Variants in POFUT3 observed in about 807,000 individuals in gnomAD.
POFUT3 encodes GDP-fucose protein O-fucosyltransferase 3.
At chr8:33,353,703 T>C in the POFUT3 span, among the ~76,000 whole-genome samples, 7 of 152,248 alleles carry the variant, frequency 4.6e-5, no homozygotes, top group African/African-American at 1.7e-4. Flanking sequence ...CTGAGCCAGC[T>C]GCAGTCAGAG....
the POFUT3 span, among the ~76,000 whole-genome samples, chr8:33,401,515 T>C: frequency 6.6e-6 from 1 of 152,152 alleles, no homozygotes; most frequent in South Asian, 2.1e-4. Context: ...AAAATAAATA[T>C]TTTTATAATT....
the POFUT3 span, among the ~76,000 whole-genome samples, chr8:33,413,485 G>A: frequency 6.6e-6 from 1 of 152,164 alleles, no homozygotes; most frequent in African/African-American, 2.4e-5. Flanking sequence ...CAGACACCTT[G>A]ACTGGACTAT....
At chr8:33,321,316 G>A in the POFUT3 span, among the ~76,000 whole-genome samples, 1 of 152,220 alleles carries the variant, frequency 6.6e-6, no homozygotes, top group African/African-American at 2.4e-5. Context: ...CAGCTGAAGG[G>A]TTTGTCACAT....
chr8:33,325,920 G>A, the POFUT3 span, among the ~76,000 whole-genome samples: 3 of 152,068 alleles, frequency 2.0e-5, no homozygotes, highest in African/African-American at 4.8e-5. Context: ...CACACCCCGC[G>A]CCCACCTGTG....
the POFUT3 span, among the ~76,000 whole-genome samples, chr8:33,396,382 G>C: frequency 6.6e-6 from 1 of 152,120 alleles, no homozygotes; most frequent in African/African-American, 2.4e-5. Flanking sequence ...TTTCCTATCA[G>C]AATATGATTA....
At chr8:33,372,738 C>A in the POFUT3 span, 20 of 1,614,056 alleles carry the variant, frequency 1.2e-5, no homozygotes, top group South Asian at 1.9e-4. Flanking sequence ...GGTGAGAAAG[C>A]AAACACTGTG....
chr8:33,377,915 T>A, the POFUT3 span, among the ~76,000 whole-genome samples: 1 of 152,178 alleles, frequency 6.6e-6, no homozygotes, highest in Admixed American at 6.5e-5. Context: ...TGAGGAAAGA[T>A]GGATAATCTG....
chr8:33,437,543 G>T, the POFUT3 span, among the ~76,000 whole-genome samples: 2 of 152,166 alleles, frequency 1.3e-5, no homozygotes, highest in Admixed American at 6.5e-5. Flanking sequence ...GGGCATGGTG[G>T]CTCACACCTG....
the POFUT3 span, among the ~76,000 whole-genome samples, chr8:33,424,701 C>A: frequency 6.6e-6 from 1 of 152,100 alleles, no homozygotes; most frequent in East Asian, 1.9e-4. Flanking sequence ...TTCGACATTC[C>A]ACCCTCTCCT....
chr8:33,459,349 G>C, the POFUT3 span, among the ~76,000 whole-genome samples: 1 of 151,358 alleles, frequency 6.6e-6, no homozygotes, highest in African/African-American at 2.4e-5. Flanking sequence ...CAAAAAAAAA[G>C]TCCTGTGGAA....
chr8:33,383,319 C>T, the POFUT3 span, among the ~76,000 whole-genome samples: 4 of 152,134 alleles, frequency 2.6e-5, no homozygotes, highest in South Asian at 6.2e-4. Flanking sequence ...CCAGGAGTGG[C>T]GCTAAAGAGC....
At chr8:33,435,785 G>A in the POFUT3 span, among the ~76,000 whole-genome samples, 1 of 151,954 alleles carries the variant, frequency 6.6e-6, no homozygotes, top group African/African-American at 2.4e-5. Context: ...CAAAGTGCTG[G>A]AATTACAAAC....
chr8:33,320,088 A>T, the POFUT3 span, among the ~76,000 whole-genome samples: 33 of 152,000 alleles, frequency 2.2e-4, no homozygotes, highest in Middle Eastern at 3.4e-3. Context: ...GTATCTAAGA[A>T]CAGAGACTAT....
chr8:33,420,922 CA>C, the POFUT3 span, among the ~76,000 whole-genome samples: 1 of 150,374 alleles, frequency 6.7e-6, no homozygotes, highest in African/African-American at 2.4e-5. Context: ...AATTATTTGT[CA>C]ATTTAAAAAG....
chr8:33,451,408 A>G, the POFUT3 span, among the ~76,000 whole-genome samples: 1 of 152,204 alleles, frequency 6.6e-6, no homozygotes, highest in East Asian at 1.9e-4. Flanking sequence ...ATACATGTGT[A>G]CATGTATACA....
chr8:33,408,188 T>G, the POFUT3 span, among the ~76,000 whole-genome samples: 1 of 151,116 alleles, frequency 6.6e-6, no homozygotes, highest in Non-Finnish European at 1.5e-5. Context: ...TATTTGGGGG[T>G]GGTGGTGCAT....
the POFUT3 span, among the ~76,000 whole-genome samples, chr8:33,398,893 G>A: frequency 2.0e-5 from 3 of 152,110 alleles, no homozygotes; most frequent in South Asian, 6.2e-4. Flanking sequence ...TTATGGGCCG[G>A]CATTTTTTTC....
chr8:33,406,506 G>A, the POFUT3 span, among the ~76,000 whole-genome samples: 70 of 152,010 alleles, frequency 4.6e-4, 1 homozygote, highest in African/African-American at 1.6e-3. Context: ...GCAAGATCAC[G>A]GCTCACTGCA....
At chr8:33,419,577 G>A in the POFUT3 span, among the ~76,000 whole-genome samples, 8 of 152,166 alleles carry the variant, frequency 5.3e-5, no homozygotes, top group Non-Finnish European at 4.4e-5. Flanking sequence ...AACAGGCCAC[G>A]GACAGGCCCT....
Sources: allele counts gnomAD v4.1 joint callset (sites outside exome capture counted in the v4.1 genomes callset), GRCh38; gene constraint gnomAD v4.1.1; transcripts MANE v1.5; gene names NCBI Gene and HGNC (gene_info 2026-07-23, HGNC 2026-07-21).